DPP6: variants seen among roughly 807,000 people sequenced by gnomAD.
DPP6 encodes the protein A-type potassium channel modulatory protein DPP6.
A neutral mutation model predicts 122.6 loss-of-function variants in DPP6; 69 were observed. That is an observed-to-expected ratio of 0.56 (90% CI 0.46 to 0.69). The LOEUF (loss-of-function observed/expected upper bound fraction) is 0.69. Ranked by LOEUF, DPP6 falls within the 30% of genes least tolerant of loss-of-function variation. DPP6 has a pLI of 0.00. For missense variants in DPP6, 928 were observed against 1,116.9 expected (o/e 0.83, Z 2.41); for synonymous variants, 418 against 433.1 (o/e 0.97, Z 0.43).
intron 7 of DPP6, among the ~76,000 whole-genome samples, chr7:154,716,008 C>T (rs1586944625): frequency 2.0e-5 from 3 of 152,176 alleles, no homozygotes; most frequent in Admixed American, 2.0e-4. Context: ...TTATTTCCTT[C>T]TGTTCCCGCC....
chr7:154,439,706 A>G (rs898202979), intron 1 of DPP6, among the ~76,000 whole-genome samples: 2 of 152,238 alleles, frequency 1.3e-5, no homozygotes, highest in African/African-American at 4.8e-5. Flanking sequence ...AGAAGGATTG[A>G]TAGGGCAGAA....
At chr7:154,317,686 GC>G (rs1807555482) in intron 1 of DPP6, among the ~76,000 whole-genome samples, 1 of 152,138 alleles carries the variant, frequency 6.6e-6, no homozygotes, top group South Asian at 2.1e-4. Flanking sequence ...AAGAATTATG[GC>G]CCCAGTAATG....
At chr7:153,780,238 A>G in the DPP6 span, among the ~76,000 whole-genome samples, 1 of 152,204 alleles carries the variant, frequency 6.6e-6, no homozygotes, top group Non-Finnish European at 1.5e-5. Flanking sequence ...CCTGTAGAGT[A>G]TTCTCATGAT....
In DPP6 at chr7:154,052,626, G is replaced by T; in HGVS notation, c.-195G>T. 2.4e-6 allele frequency: 3 copies of T among 1,269,844 alleles called. No homozygotes were observed. The highest frequency in any genetic ancestry group is 3.0e-6 in the Non-Finnish European group (3 of 999,074). 78.7% of individuals were successfully genotyped at this position (1,269,844 alleles called of 1,614,324 possible). A position where few individuals can be genotyped will look rare whatever the true frequency, so the allele number is the denominator to read the frequency against. ...GGCGGAGGAGGCTGAGCCAGGCAGA[G>T]TCGCCAGCGGAGACTCGCGAGTGGC... On this transcript the variant is annotated 5_prime_UTR_variant, in exon 1 of 26. Coordinates refer to ENST00000377770, the MANE Select transcript of DPP6 (RefSeq NM_130797.4). The surrounding 1 kb of genome is among the most constrained non-coding windows in gnomAD (Gnocchi z 4.8).
intron 2 of DPP6, among the ~76,000 whole-genome samples, chr7:154,462,694 C>T (rs1480361111): frequency 6.6e-6 from 1 of 151,900 alleles, no homozygotes; most frequent in East Asian, 1.9e-4. Context: ...TACATGTGCA[C>T]AACGTGCAGG....
In DPP6 at chr7:154,791,428, G is replaced by A. The variant is rs566675959; in HGVS notation, c.1137-2651G>A. Among the ~76,000 whole-genome samples the A allele has an allele frequency of 6.6e-5, 10 of 152,254 alleles. No individual in the cohort carries two copies. The South Asian group carries it at 8.3e-4, about 13-fold the overall frequency. ...CTTACCTGGTGGCAGGCAAGAGAGC[G>A]TGTGCAGGGAGACTGCCATTTATAA... On this transcript the variant is annotated intron_variant, in intron 10 of 25. Coordinates refer to ENST00000377770, the MANE Select transcript of DPP6 (RefSeq NM_130797.4).
chr7:153,915,056 A>G (rs1308752246), intron 1 of DPP6, among the ~76,000 whole-genome samples: 1 of 152,196 alleles, frequency 6.6e-6, no homozygotes, highest in East Asian at 1.9e-4. Context: ...TTTCTGCTGT[A>G]CGTGTGATTT....
At chr7:154,704,166 A>G (rs1010813700) in intron 7 of DPP6, among the ~76,000 whole-genome samples, 1 of 152,330 alleles carries the variant, frequency 6.6e-6, no homozygotes, top group Admixed American at 6.5e-5. Flanking sequence ...TCAAGACTTC[A>G]GTGGGGAAAG....
At chr7:154,283,100 G>A (rs894696957) in intron 1 of DPP6, among the ~76,000 whole-genome samples, 7 of 152,140 alleles carry the variant, frequency 4.6e-5, no homozygotes, top group South Asian at 2.1e-4. Context: ...TTTCTGAATC[G>A]GGACCAGTCT....
chr7:153,793,949 C>T, the DPP6 span, among the ~76,000 whole-genome samples: 1 of 152,214 alleles, frequency 6.6e-6, no homozygotes, highest in Non-Finnish European at 1.5e-5. Context: ...GCACAATAGT[C>T]AAGAACTTGG....
At chr7:154,480,482 T>C (rs1586403421) in intron 3 of DPP6, among the ~76,000 whole-genome samples, 2 of 152,320 alleles carry the variant, frequency 1.3e-5, no homozygotes, top group South Asian at 4.1e-4. Context: ...TGATTCCTCC[T>C]CTGCCCTGGA....
chr7:154,847,688 CTT>C (rs938330102), intron 16 of DPP6, among the ~76,000 whole-genome samples: 35 of 152,146 alleles, frequency 2.3e-4, no homozygotes, highest in African/African-American at 8.4e-4. Flanking sequence ...AAACTCCACT[CTT>C]TTAGCAATTT....
Position 153,926,602 on chromosome 7 carries a change from A to T in DPP6, c.51+38868A>T, listed in dbSNP as rs1440428892. 9.2e-5 allele frequency among the ~76,000 whole-genome samples: 14 copies of T among 152,222 alleles called. No individual in the cohort carries two copies. In the East Asian group the frequency reaches 2.5e-3, roughly 27 times the overall value. Reference sequence around the variant, plus strand: ...TGTTACTTGAAGGAAGGGGGAATGAAGTCTAAAAGGTTAGCTACACATTTT... The same window carrying T: ...TGTTACTTGAAGGAAGGGGGAATGATGTCTAAAAGGTTAGCTACACATTTT... On this transcript the variant is annotated intron_variant, in intron 1 of 25. Coordinates refer to the DPP6 transcript ENST00000404039.
At chr7:154,702,367 G>A (rs1471874780) in intron 7 of DPP6, among the ~76,000 whole-genome samples, 1 of 152,232 alleles carries the variant, frequency 6.6e-6, no homozygotes, top group Non-Finnish European at 1.5e-5. Flanking sequence ...TAATGAGGAA[G>A]GCATGTCAAA....
chr7:154,876,147 T>C (rs1364309782), intron 20 of DPP6, 47 bp downstream of exon 20: 2 of 1,508,442 alleles, frequency 1.3e-6, no homozygotes, highest in Non-Finnish European at 1.8e-6. Flanking sequence ...GGGACGGGGC[T>C]CCTCATGGGG....
intron 1 of DPP6, among the ~76,000 whole-genome samples, chr7:154,324,273 G>A (rs535525927): frequency 7.2e-5 from 11 of 152,254 alleles, no homozygotes; most frequent in East Asian, 1.9e-4. Flanking sequence ...TTTCTGCTCC[G>A]GTACCCTTTG....
chr7:154,342,553 G>A (rs1038828116), intron 1 of DPP6, among the ~76,000 whole-genome samples: 2 of 152,184 alleles, frequency 1.3e-5, no homozygotes, highest in African/African-American at 2.4e-5. Flanking sequence ...GACAGGCTTT[G>A]AGACTGCCTG....
chr7:153,935,261 C>T (rs1801378474), intron 1 of DPP6, among the ~76,000 whole-genome samples: 1 of 151,634 alleles, frequency 6.6e-6, no homozygotes, highest in South Asian at 2.1e-4. Flanking sequence ...GGGGGACGTG[C>T]CCGGTAGGAG....
chr7:154,836,689 A>G (rs1401691264), intron 16 of DPP6, among the ~76,000 whole-genome samples: 2 of 152,106 alleles, frequency 1.3e-5, no homozygotes, highest in African/African-American at 4.8e-5. Flanking sequence ...GAAAGGGTGA[A>G]TTTTATTTAT....
Sources: allele counts gnomAD v4.1 joint callset (sites outside exome capture counted in the v4.1 genomes callset), GRCh38; gene constraint gnomAD v4.1.1; non-coding constraint Gnocchi (gnomAD v3.1); transcripts MANE v1.5; gene names NCBI Gene and HGNC (gene_info 2026-07-23, HGNC 2026-07-21).